Variants in PARD3 observed in about 807,000 individuals in gnomAD.
PARD3 encodes the protein partitioning defective 3 homolog.
Under a neutral mutation model 155.4 loss-of-function variants are expected in PARD3, and 75 were observed. The observed-to-expected ratio is 0.48, with a 90% CI of 0.40 to 0.58. The LOEUF is 0.58. PARD3 is among the 20% of genes least tolerant of loss of function. The pLI, the probability that PARD3 is intolerant of heterozygous loss-of-function variation, is 0.00. For missense variants in PARD3, 1,642 were observed against 1,721.7 expected, an observed-to-expected ratio of 0.95 and a Z score of 0.82; for synonymous variants, 576 against 610.5, an observed-to-expected ratio of 0.94 and a Z score of 0.83.
intron 1 of PARD3, among the ~76,000 whole-genome samples, chr10:34,773,502 T>C (rs931567390): frequency 3.9e-5 from 6 of 152,234 alleles, no homozygotes; most frequent in Non-Finnish European, 1.5e-5. Flanking sequence ...TGCAAGGGCA[T>C]GAACATTTTT....
intron 2 of PARD3, among the ~76,000 whole-genome samples, chr10:34,652,021 G>A (rs912470483): frequency 6.6e-6 from 1 of 152,070 alleles, no homozygotes; most frequent in African/African-American, 2.4e-5. Context: ...TGACCCACAC[G>A]GCCAGCATTT....
At chr10:34,665,794 C>T (rs1438552040) in intron 2 of PARD3, among the ~76,000 whole-genome samples, 1 of 147,734 alleles carries the variant, frequency 6.8e-6, no homozygotes, top group Non-Finnish European at 1.5e-5. Flanking sequence ...GCCAAGACGG[C>T]GCCACTGCAC....
chr10:34,537,053 A>C (rs2083278455), intron 2 of PARD3, among the ~76,000 whole-genome samples: 1 of 152,222 alleles, frequency 6.6e-6, no homozygotes, highest in Non-Finnish European at 1.5e-5. Flanking sequence ...TCCTGGCTGT[A>C]GTGCAATGGG....
At chr10:34,609,338 C>T (rs1326832590) in intron 2 of PARD3, among the ~76,000 whole-genome samples, 1 of 152,062 alleles carries the variant, frequency 6.6e-6, no homozygotes, top group Non-Finnish European at 1.5e-5. Context: ...ATATAAGCTC[C>T]AATAATTTAG....
chr10:34,242,950 C>G (rs938753002), intron 22 of PARD3, among the ~76,000 whole-genome samples: 18 of 152,102 alleles, frequency 1.2e-4, no homozygotes, highest in African/African-American at 4.1e-4. Flanking sequence ...ATGATAATAA[C>G]CATAATTTAT....
At chr10:34,565,742 C>T (rs1411018899) in intron 2 of PARD3, among the ~76,000 whole-genome samples, 1 of 151,962 alleles carries the variant, frequency 6.6e-6, no homozygotes, top group Non-Finnish European at 1.5e-5. Context: ...AGACAGTGGC[C>T]CCTTCCCTTA....
At chr10:34,156,190 C>A (rs939031323) in intron 22 of PARD3, among the ~76,000 whole-genome samples, 12 of 152,150 alleles carry the variant, frequency 7.9e-5, no homozygotes, top group Admixed American at 7.9e-4. Flanking sequence ...TCACTGTAAC[C>A]TCGAACTCCT....
chr10:34,419,399 C>T (rs1301475646), intron 5 of PARD3, among the ~76,000 whole-genome samples: 1 of 152,070 alleles, frequency 6.6e-6, no homozygotes, highest in African/African-American at 2.4e-5. Context: ...TGCCTGTAGT[C>T]GCAGCTACTT....
chr10:34,164,465 C>A (rs896102755), intron 22 of PARD3, among the ~76,000 whole-genome samples: 8 of 152,162 alleles, frequency 5.3e-5, no homozygotes, highest in Non-Finnish European at 1.2e-4. Flanking sequence ...TTTGTCACAT[C>A]TGTAAATATT....
chr10:34,801,061 A>C (rs1842800670), intron 1 of PARD3, among the ~76,000 whole-genome samples: 1 of 152,230 alleles, frequency 6.6e-6, no homozygotes, highest in Non-Finnish European at 1.5e-5. Context: ...GTTATAAAAC[A>C]CTTGAGTATT....
At chr10:34,303,507 G>A (rs1957257409) in intron 20 of PARD3, among the ~76,000 whole-genome samples, 1 of 150,942 alleles carries the variant, frequency 6.6e-6, no homozygotes, top group Non-Finnish European at 1.5e-5. Flanking sequence ...TACTATAAAA[G>A]GAGATAAAAT....
At chr10:34,340,190 T>G (rs1836655342) in intron 16 of PARD3, among the ~76,000 whole-genome samples, 1 of 152,198 alleles carries the variant, frequency 6.6e-6, no homozygotes, top group South Asian at 2.1e-4. Context: ...AATCTATCCC[T>G]TCTACTTATT....
intron 22 of PARD3, among the ~76,000 whole-genome samples, chr10:34,162,434 G>A (rs1006935073): frequency 6.6e-5 from 10 of 152,104 alleles, no homozygotes; most frequent in African/African-American, 9.7e-5. Context: ...TTTCGTGGTC[G>A]TGAGACAAGA....
At chr10:34,672,475 T>G (rs1209165933) in intron 2 of PARD3, among the ~76,000 whole-genome samples, 1 of 152,226 alleles carries the variant, frequency 6.6e-6, no homozygotes, top group Non-Finnish European at 1.5e-5. Flanking sequence ...GTTCTCAATA[T>G]GTACCGTGTT....
At chr10:34,346,054 C>A in intron 15 of PARD3, 1 of 986,630 alleles carries the variant, frequency 1.0e-6, no homozygotes, top group Non-Finnish European at 1.2e-6. Context: ...ACGCATTTGT[C>A]ACCCCCAGCC....
intron 22 of PARD3, among the ~76,000 whole-genome samples, chr10:34,140,188 C>T (rs1948110136): frequency 6.6e-6 from 1 of 151,992 alleles, no homozygotes; most frequent in South Asian, 2.1e-4. Context: ...TAGATAAAAA[C>T]ATTGAAGCAG....
chr10:34,247,786 G>A (rs902109896), intron 22 of PARD3, among the ~76,000 whole-genome samples: 2 of 152,190 alleles, frequency 1.3e-5, no homozygotes, highest in African/African-American at 4.8e-5. Context: ...TTCTGACTCA[G>A]AATGGTGTAT....
intron 5 of PARD3, among the ~76,000 whole-genome samples, chr10:34,410,422 G>T (rs1014547940): frequency 1.3e-5 from 2 of 151,492 alleles, no homozygotes; most frequent in Non-Finnish European, 2.9e-5. Flanking sequence ...ATATTCTATC[G>T]GGTAAACATA....
intron 2 of PARD3, among the ~76,000 whole-genome samples, chr10:34,683,952 C>A (rs929609422): frequency 9.9e-5 from 15 of 152,176 alleles, no homozygotes; most frequent in African/African-American, 1.7e-4. Flanking sequence ...CTCTGCTTGG[C>A]AGCAAATTTA....
Sources: allele counts gnomAD v4.1 joint callset (sites outside exome capture counted in the v4.1 genomes callset), GRCh38; gene constraint gnomAD v4.1.1; transcripts MANE v1.5; gene names NCBI Gene and HGNC (gene_info 2026-07-23, HGNC 2026-07-21).